PMM2: variants seen among roughly 807,000 people sequenced by gnomAD.
The protein encoded by PMM2 is phosphomannomutase 2.
A neutral mutation model predicts 33.2 loss-of-function variants in PMM2; 35 were observed. The ratio of observed to expected loss-of-function variants is 1.06; its 90% confidence interval spans 0.81 to 1.40. The LOEUF is 1.40. PMM2 is among the 40% of genes most tolerant of loss of function. The pLI is 0.00. For synonymous variants in PMM2, 153 were observed against 114.7 expected (o/e 1.33, Z -2.13); for missense variants, 386 against 306.0 (o/e 1.26, Z -1.95).
rs114422911 is a variant in PMM2, at chr16:8,819,960, T to C, written c.639+6854T>C. Among the ~76,000 whole-genome samples the C allele has an allele frequency of 4.1e-3, 619 of 152,344 alleles. 9 individuals are homozygous for C. The highest frequency in any genetic ancestry group is 0.014 in the African/African-American group (586 of 41,576). On this transcript the variant is annotated intron_variant, in intron 7 of 7. Coordinates refer to ENST00000268261, the MANE Select transcript of PMM2 (RefSeq NM_000303.3). ...CATCGCTTCTAACATGCTACCTGCC[T>C]TCCTTTTAAGTAAATTGTGCAACAT...
At chr16:8,798,765 A>G (rs576246247) in intron 1 of PMM2, among the ~76,000 whole-genome samples, 5 of 152,242 alleles carry the variant, frequency 3.3e-5, no homozygotes, top group Admixed American at 3.3e-4. Flanking sequence ...GAAATTGGCC[A>G]CTGAACACTG....
At position 8,812,172 on chromosome 16, in the gene PMM2, C is replaced by A. The variant is rs533973489; in HGVS notation, c.523+459C>A. On this transcript the variant is annotated intron_variant, in intron 6 of 7. Coordinates refer to ENST00000268261, the MANE Select transcript of PMM2 (RefSeq NM_000303.3). ...TTAGGGGCCAATTGGGTGGCTTTTA[C>A]AGATCAAGAAACTGAGGCCCAGAAA... 1.5e-3 allele frequency among the ~76,000 whole-genome samples: 233 copies of A among 152,318 alleles called. 5 individuals are homozygous for A. The highest frequency in any genetic ancestry group is 0.014 in the Admixed American group (210 of 15,292).
At chr16:8,823,664 C>T (rs966240085) in intron 7 of PMM2, among the ~76,000 whole-genome samples, 2 of 140,620 alleles carry the variant, frequency 1.4e-5, no homozygotes, top group Non-Finnish European at 3.3e-5. Context: ...TTTAAAGCCT[C>T]GAGCCCAGCC....
intron 3 of PMM2, among the ~76,000 whole-genome samples, chr16:8,805,287 C>T (rs796493386): frequency 4.6e-5 from 7 of 152,336 alleles, no homozygotes; most frequent in African/African-American, 1.7e-4. Context: ...AGGCTGATCT[C>T]TAACCCCTGA....
intron 7 of PMM2, among the ~76,000 whole-genome samples, chr16:8,824,998 C>T (rs58164997): frequency 0.025 from 3,765 of 152,236 alleles, 73 homozygotes; most frequent in African/African-American, 0.054. Flanking sequence ...AATTTTATCT[C>T]GCATTAGTGC....
At chr16:8,821,730 G>A (rs981317597) in intron 7 of PMM2, among the ~76,000 whole-genome samples, 8 of 152,148 alleles carry the variant, frequency 5.3e-5, no homozygotes, top group African/African-American at 1.9e-4. Context: ...TTCCACCCTC[G>A]CCCCCAAGCC....
At chr16:8,801,133 A>G (rs140396139) in intron 1 of PMM2, among the ~76,000 whole-genome samples, 1 of 152,262 alleles carries the variant, frequency 6.6e-6, no homozygotes, top group Admixed American at 6.5e-5. Flanking sequence ...CTGAAAAACC[A>G]AAGTCCCTGC....
At chr16:8,847,615 C>T (rs1015166809) in intron 7 of PMM2, 109 bp from the exon 8 acceptor site, 3 of 788,726 alleles carry the variant, frequency 3.8e-6, no homozygotes, top group Non-Finnish European at 6.8e-6. Flanking sequence ...GAAACTCTCC[C>T]TGCCCAGTTA....
At chr16:8,846,588 G>A (rs2060927126) in intron 7 of PMM2, among the ~76,000 whole-genome samples, 3 of 152,220 alleles carry the variant, frequency 2.0e-5, no homozygotes, top group African/African-American at 7.2e-5. Context: ...TCAGGCACAG[G>A]ACCCCAGCAG....
At chr16:8,801,004 A>G (rs61562765) in intron 1 of PMM2, among the ~76,000 whole-genome samples, 3,399 of 152,202 alleles carry the variant, frequency 0.022, 118 homozygotes, top group African/African-American at 0.077. Context: ...CTTTAATTTC[A>G]TTATGTTGTT....
chr16:8,799,587 C>T (rs1041462476), intron 1 of PMM2, among the ~76,000 whole-genome samples: 6 of 151,636 alleles, frequency 4.0e-5, no homozygotes, highest in African/African-American at 1.5e-4. Flanking sequence ...CTCACTCTGT[C>T]ACCAGACTGG....
chr16:8,815,780 A>T (rs533146362), intron 7 of PMM2, among the ~76,000 whole-genome samples: 1 of 152,372 alleles, frequency 6.6e-6, no homozygotes, highest in East Asian at 1.9e-4. Flanking sequence ...CCAAAAGCAC[A>T]GGCAACAAAA....
At chr16:8,809,699 G>A (rs1251361251) in intron 4 of PMM2, 1 of 152,224 alleles carries the variant, frequency 6.6e-6, no homozygotes, top group South Asian at 2.1e-4. Flanking sequence ...GAATCCGCCC[G>A]CCGCAGCATC....
chr16:8,832,168 A>T (rs113832517), intron 7 of PMM2: 1 of 985,320 alleles, frequency 1.0e-6, no homozygotes, highest in African/African-American at 1.7e-5. Flanking sequence ...GCTGCACCCC[A>T]GGAAGGAGCC....
At chr16:8,828,947 G>A (rs2060793659) in intron 7 of PMM2, among the ~76,000 whole-genome samples, 1 of 152,176 alleles carries the variant, frequency 6.6e-6, no homozygotes. Flanking sequence ...TTCATCTGAG[G>A]CATGTGAGAG....
intron 7 of PMM2, among the ~76,000 whole-genome samples, chr16:8,846,957 G>C (rs1242483671): frequency 1.3e-5 from 2 of 152,058 alleles, no homozygotes; most frequent in South Asian, 2.1e-4. Flanking sequence ...TCCACCTCCC[G>C]AGTTCAAGCA....
rs540755065 is a variant in PMM2, at chr16:8,802,236, G to A, written c.178+326G>A. The A allele has an allele frequency of 5.8e-4, 267 of 457,222 alleles. 1 individual carries two copies. In the Middle Eastern group the frequency reaches 0.011, roughly 19 times the overall value. The allele number at this position is 457,222 out of a possible 1,614,324, so 28.3% of individuals were successfully genotyped here. A position where few individuals can be genotyped will look rare whatever the true frequency, so the allele number is the denominator to read the frequency against. ...CAGCCCTTCTAGCCCCAGTCAGACC[G>A]GTCTTCATATTGTCCCTCTGACAGC... On this transcript the variant is annotated intron_variant, in intron 2 of 7. Coordinates refer to ENST00000268261, the MANE Select transcript of PMM2 (RefSeq NM_000303.3).
chr16:8,844,946 T>A (rs1220088097), intron 7 of PMM2, among the ~76,000 whole-genome samples: 1 of 152,206 alleles, frequency 6.6e-6, no homozygotes, highest in African/African-American at 2.4e-5. Context: ...CGTAGGTGGA[T>A]CTTTCTCATG....
At chr16:8,837,115 C>T (rs951982194) in intron 7 of PMM2, among the ~76,000 whole-genome samples, 8 of 151,708 alleles carry the variant, frequency 5.3e-5, no homozygotes, top group Non-Finnish European at 7.4e-5. Context: ...GACTCAGCGA[C>T]GCTTGGGGTT....
Sources: gnomAD v4.1 joint callset for allele counts (sites outside exome capture counted in the v4.1 genomes callset) on GRCh38, gnomAD v4.1.1 for gene constraint, MANE v1.5 for transcripts, NCBI Gene and HGNC (gene_info 2026-07-23, HGNC 2026-07-21) for gene names.